KCNMA1: variants seen among roughly 807,000 people sequenced by gnomAD.
KCNMA1 encodes the protein Calcium-activated potassium channel subunit alpha-1.
A neutral mutation model predicts 140.0 loss-of-function variants in KCNMA1; 29 were observed. The ratio of observed to expected loss-of-function variants is 0.21; its 90% CI spans 0.15 to 0.28. The LOEUF is 0.28. KCNMA1 is among the 10% of genes least tolerant of loss of function. KCNMA1 has a pLI of 1.00. For missense variants in KCNMA1, 880 were observed against 1,602.2 expected (o/e 0.55, Z 7.70); for synonymous variants, 612 against 611.9 (o/e 1.00, Z 0.00).
At chr10:76,873,945 G>A, downstream of KCNMA1, 1 of 152,222 alleles carries the variant, frequency 6.6e-6, no homozygotes. Context: ...TTCACATGGG[G>A]AAACATAAAT....
chr10:77,628,073 G>A (rs557396859), intron 1 of KCNMA1, among the ~76,000 whole-genome samples: 108 of 140,644 alleles, frequency 7.7e-4, no homozygotes, highest in African/African-American at 2.8e-3. Context: ...GTCTCTAAAA[G>A]GGAAGAAGGA....
At chr10:77,620,762 C>T (rs2091107591) in intron 1 of KCNMA1, among the ~76,000 whole-genome samples, 1 of 152,174 alleles carries the variant, frequency 6.6e-6, no homozygotes, top group Non-Finnish European at 1.5e-5. Flanking sequence ...ATTCACATTG[C>T]CATTAAGAAT....
chr10:77,491,010 TG>T (rs1227443996), intron 1 of KCNMA1, among the ~76,000 whole-genome samples: 2 of 152,118 alleles, frequency 1.3e-5, no homozygotes, highest in Admixed American at 1.3e-4. Context: ...CCTCAATAAA[TG>T]GTTGCTAAAT....
intron 5 of KCNMA1, among the ~76,000 whole-genome samples, chr10:77,176,719 G>C (rs1565003143): frequency 6.6e-6 from 1 of 152,174 alleles, no homozygotes; most frequent in Non-Finnish European, 1.5e-5. Flanking sequence ...CAGAGCCTCA[G>C]ATTCCTCTTT....
chr10:77,011,871 G>T (rs1269298380), intron 18 of KCNMA1, 96 bp downstream of exon 18: 31 of 1,048,980 alleles, frequency 3.0e-5, no homozygotes, highest in Non-Finnish European at 4.6e-5. Flanking sequence ...GAAAACTCTC[G>T]ATGTTTAGTG....
At chr10:77,153,765 G>A (rs1450809092) in intron 5 of KCNMA1, among the ~76,000 whole-genome samples, 1 of 152,078 alleles carries the variant, frequency 6.6e-6, no homozygotes, top group Non-Finnish European at 1.5e-5. Context: ...TCATTTATGG[G>A]AGCTGCATGA....
intron 13 of KCNMA1, among the ~76,000 whole-genome samples, chr10:77,075,895 C>T (rs1276675766): frequency 6.6e-6 from 1 of 152,030 alleles, no homozygotes; most frequent in Non-Finnish European, 1.5e-5. Flanking sequence ...GTGTTAGTGC[C>T]CAGAAGTCTG....
chr10:77,628,405 C>T (rs1326972271), intron 1 of KCNMA1, among the ~76,000 whole-genome samples: 3 of 152,168 alleles, frequency 2.0e-5, no homozygotes, highest in African/African-American at 7.2e-5. Flanking sequence ...CCTGTAATCC[C>T]AGCACTTTGG....
At chr10:77,193,923 T>G (rs775623424) in intron 3 of KCNMA1, among the ~76,000 whole-genome samples, 1 of 152,176 alleles carries the variant, frequency 6.6e-6, no homozygotes, top group Non-Finnish European at 1.5e-5. Flanking sequence ...GAAACAAGAA[T>G]AGACTATTCA....
intron 1 of KCNMA1, among the ~76,000 whole-genome samples, chr10:77,608,472 C>A (rs573783506): frequency 1.3e-5 from 2 of 152,132 alleles, no homozygotes; most frequent in Non-Finnish European, 2.9e-5. Context: ...CCATGCCGGG[C>A]CTGTAGGTCT....
At chr10:77,417,437 G>A (rs1236638919) in intron 1 of KCNMA1, among the ~76,000 whole-genome samples, 2 of 152,174 alleles carry the variant, frequency 1.3e-5, no homozygotes, top group Non-Finnish European at 2.9e-5. Flanking sequence ...AGGCATCACT[G>A]ACGTCTGGGT....
chr10:77,399,674 C>A (rs1460212235), intron 2 of KCNMA1, among the ~76,000 whole-genome samples: 1 of 152,128 alleles, frequency 6.6e-6, no homozygotes, highest in East Asian at 1.9e-4. Context: ...CAGGCGTTGA[C>A]TATAAAAAGC....
At chr10:76,990,978 C>T (rs904051047) in intron 19 of KCNMA1, among the ~76,000 whole-genome samples, 14 of 152,276 alleles carry the variant, frequency 9.2e-5, no homozygotes, top group East Asian at 3.9e-4. Flanking sequence ...GATACCTCCA[C>T]GCGGGAGGAA....
chr10:76,897,405 C>G (rs577355407), intron 25 of KCNMA1, among the ~76,000 whole-genome samples: 234 of 151,728 alleles, frequency 1.5e-3, no homozygotes, highest in African/African-American at 5.4e-3. Flanking sequence ...GTAAGAAATA[C>G]AAGTATAAAA....
chr10:77,636,551 G>T, intron 1 of KCNMA1: 7 of 1,536,166 alleles, frequency 4.6e-6, no homozygotes, highest in Non-Finnish European at 6.1e-6. Flanking sequence ...AGAACTTGGG[G>T]TATGTTCCAC....
chr10:77,350,162 G>A (rs530956473), intron 2 of KCNMA1, among the ~76,000 whole-genome samples: 2 of 152,202 alleles, frequency 1.3e-5, no homozygotes, highest in Non-Finnish European at 2.9e-5. Context: ...GCCTCCCAAA[G>A]TGCTGGGATT....
intron 2 of KCNMA1, among the ~76,000 whole-genome samples, chr10:77,257,809 G>A (rs2061115019): frequency 6.6e-6 from 1 of 152,094 alleles, no homozygotes; most frequent in African/African-American, 2.4e-5. Context: ...TCTCTTCCCT[G>A]CCAACATGTA....
At chr10:77,442,367 C>T (rs1400495597) in intron 1 of KCNMA1, among the ~76,000 whole-genome samples, 1 of 152,030 alleles carries the variant, frequency 6.6e-6, no homozygotes, top group Admixed American at 6.5e-5. Flanking sequence ...GCCACCTCCC[C>T]ATCTAGGATG....
At chr10:77,091,602 C>A (rs1373977206) in intron 9 of KCNMA1, 1 of 152,200 alleles carries the variant, frequency 6.6e-6, no homozygotes, top group Non-Finnish European at 1.5e-5. Context: ...TCCCTGTGCC[C>A]CCCAGGCTCA....
Sources: gnomAD v4.1 joint callset for allele counts (sites outside exome capture counted in the v4.1 genomes callset) on GRCh38, gnomAD v4.1.1 for gene constraint, MANE v1.5 for transcripts, NCBI Gene and HGNC (gene_info 2026-07-23, HGNC 2026-07-21) for gene names.